Variants in LRP1B observed in about 807,000 individuals in gnomAD.
The protein encoded by LRP1B is LDL receptor related protein 1B, also known as low-density lipoprotein receptor-related protein 1B.
LRP1B carries 217 observed loss-of-function variants against 556.6 expected under a neutral mutation model. The observed-to-expected ratio is 0.39, with a 90% confidence interval of 0.35 to 0.44. The LOEUF is 0.44. Ranked by LOEUF, LRP1B falls within the 20% of genes least tolerant of loss-of-function variation. The pLI is 1.00. For synonymous variants in LRP1B, 2,047 were observed against 1,865.8 expected (o/e 1.10, Z -2.50); for missense variants, 5,053 against 5,620.8 (o/e 0.90, Z 3.23).
At chr2:140,874,201 T>A (rs2105168797) in intron 25 of LRP1B, among the ~76,000 whole-genome samples, 1 of 152,276 alleles carries the variant, frequency 6.6e-6, no homozygotes, top group South Asian at 2.1e-4. Flanking sequence ...GGGCTTGATA[T>A]TAAAAAACAC....
At chr2:141,083,779 C>T (rs1699982641) in intron 7 of LRP1B, among the ~76,000 whole-genome samples, 2 of 152,096 alleles carry the variant, frequency 1.3e-5, no homozygotes, top group Non-Finnish European at 2.9e-5. Flanking sequence ...TGCCCTGTGC[C>T]ACCTCAGGAC....
intron 25 of LRP1B, among the ~76,000 whole-genome samples, chr2:140,872,771 T>C (rs576206053): frequency 1.2e-4 from 18 of 151,936 alleles, no homozygotes; most frequent in South Asian, 1.0e-3. Context: ...TTTCCTTTAA[T>C]ATGAAAAATT....
chr2:141,810,092 GAAAAAAGAAAGAAAGAAAGAAA>G (rs1574385398), intron 2 of LRP1B, among the ~76,000 whole-genome samples, 165 bp downstream of exon 2: 1 of 77,434 alleles, frequency 1.3e-5, no homozygotes, highest in Non-Finnish European at 2.3e-5. Context: ...AGGCTATTTG[GAAAAAAGAAAGAAAGAAAGAAA>G]AAGAAAGAAA....
At chr2:140,512,540 C>T (rs1302755699) in intron 51 of LRP1B, among the ~76,000 whole-genome samples, 1 of 152,078 alleles carries the variant, frequency 6.6e-6, no homozygotes. Flanking sequence ...TATTTTGGAA[C>T]CTGAATTCTG....
intron 1 of LRP1B, among the ~76,000 whole-genome samples, chr2:141,840,121 GA>G (rs1335370104): frequency 1.3e-5 from 2 of 151,814 alleles, no homozygotes; most frequent in Non-Finnish European, 2.9e-5. Flanking sequence ...TAATCATGTA[GA>G]AATATGAACG....
intron 2 of LRP1B, among the ~76,000 whole-genome samples, chr2:141,683,559 G>C (rs1691178414): frequency 6.6e-6 from 1 of 152,102 alleles, no homozygotes; most frequent in Admixed American, 6.6e-5. Context: ...TGTCAGCAGT[G>C]AACTTGGGTA....
chr2:140,610,050 T>G (rs1683014114), intron 41 of LRP1B, among the ~76,000 whole-genome samples: 1 of 148,798 alleles, frequency 6.7e-6, no homozygotes, highest in African/African-American at 2.6e-5. Context: ...TCAGGTTTGT[T>G]TTTTTTTTTC....
At chr2:141,207,498 GTTTC>G (rs1682336681) in intron 6 of LRP1B, among the ~76,000 whole-genome samples, 1 of 152,028 alleles carries the variant, frequency 6.6e-6, no homozygotes, top group African/African-American at 2.4e-5. Context: ...TTCTATAAAG[GTTTC>G]TTTGTTGCTG....
At chr2:141,490,569 A>G (rs1484616682) in intron 2 of LRP1B, among the ~76,000 whole-genome samples, 1 of 152,160 alleles carries the variant, frequency 6.6e-6, no homozygotes, top group Non-Finnish European at 1.5e-5. Context: ...GGACATAGCC[A>G]AAAATTATTG....
At chr2:142,092,142 T>G in intron 1 of LRP1B, among the ~76,000 whole-genome samples, 1 of 152,216 alleles carries the variant, frequency 6.6e-6, no homozygotes, top group East Asian at 1.9e-4. Context: ...CTATGATAAC[T>G]TAATATTTTT....
At chr2:141,255,049 C>T (rs948104119) in intron 3 of LRP1B, among the ~76,000 whole-genome samples, 3 of 151,968 alleles carry the variant, frequency 2.0e-5, no homozygotes, top group Non-Finnish European at 4.4e-5. Context: ...TCATAGCAAT[C>T]AATGTGAATA....
chr2:142,090,024 A>T (rs918026184), intron 1 of LRP1B, among the ~76,000 whole-genome samples: 3 of 152,130 alleles, frequency 2.0e-5, no homozygotes, highest in African/African-American at 7.2e-5. Flanking sequence ...GTAAAGTGTC[A>T]GATGTGTTTG....
chr2:140,480,077 TA>T (rs1235506801), intron 59 of LRP1B, among the ~76,000 whole-genome samples: 1 of 152,168 alleles, frequency 6.6e-6, no homozygotes, highest in Non-Finnish European at 1.5e-5. Context: ...AAAAAATGAT[TA>T]AGACATGACC....
chr2:140,264,139 C>T, intron 86 of LRP1B, among the ~76,000 whole-genome samples: 1 of 150,630 alleles, frequency 6.6e-6, no homozygotes, highest in Admixed American at 6.7e-5. Context: ...TCTGATACTT[C>T]CCTCTCTGTT....
rs945910515 is a variant in LRP1B, at chr2:141,443,568, T to A, written c.343+36828A>T. On this transcript the variant is annotated intron_variant, in intron 3 of 90. Coordinates refer to ENST00000389484, the MANE Select transcript of LRP1B (RefSeq NM_018557.3). The stretch of plus-strand genomic sequence containing the variant: ...AGGGTTTTTATGGTTTTAGGTCTTA[T>A]GTTTAAGTCTTTGATCCATCTTGAG... Among the ~76,000 whole-genome samples, 3 of 152,140 alleles carry A rather than the reference T, an allele frequency of 2.0e-5. 1 individual carries two copies. The highest frequency in any genetic ancestry group is 4.4e-5 in the Non-Finnish European group (3 of 68,004).
At chr2:142,016,578 A>T (rs1277560444) in intron 1 of LRP1B, among the ~76,000 whole-genome samples, 1 of 152,060 alleles carries the variant, frequency 6.6e-6, no homozygotes, top group Non-Finnish European at 1.5e-5. Context: ...TAACACAGGA[A>T]CAGAAAACCA....
intron 7 of LRP1B, among the ~76,000 whole-genome samples, chr2:141,094,058 T>C (rs182413697): frequency 6.6e-6 from 1 of 152,146 alleles, no homozygotes; most frequent in Admixed American, 6.5e-5. Flanking sequence ...ACGATATATT[T>C]CTAGAGAAAA....
intron 3 of LRP1B, among the ~76,000 whole-genome samples, chr2:141,438,688 G>A (rs1337033267): frequency 6.6e-6 from 1 of 152,118 alleles, no homozygotes; most frequent in Non-Finnish European, 1.5e-5. Flanking sequence ...ATTCTGGGAT[G>A]AGAACCAAAA....
chr2:140,764,922 A>G (rs940062507), intron 35 of LRP1B, among the ~76,000 whole-genome samples: 1 of 152,174 alleles, frequency 6.6e-6, no homozygotes, highest in African/African-American at 2.4e-5. Context: ...GTGATGGTGT[A>G]AAAAAATAAT....
Sources: gnomAD v4.1 joint callset for allele counts (sites outside exome capture counted in the v4.1 genomes callset) on GRCh38, gnomAD v4.1.1 for gene constraint, MANE v1.5 for transcripts, NCBI Gene and HGNC (gene_info 2026-07-23, HGNC 2026-07-21) for gene names.